The following CSMD1 variants were observed in gnomAD, a reference collection of about 807,000 sequenced individuals.
CSMD1 encodes the protein CUB and sushi domain-containing protein 1.
CSMD1 carries 213 observed loss-of-function variants against 417.5 expected under a neutral mutation model. The ratio of observed to expected loss-of-function variants is 0.51; its 90% CI spans 0.46 to 0.57. The LOEUF (loss-of-function observed/expected upper bound fraction) is 0.57, where lower values mean the gene tolerates loss of function less well. CSMD1 is among the 20% of genes least tolerant of loss of function. The pLI, the probability that CSMD1 is intolerant of heterozygous loss-of-function variation, is 0.00. For synonymous variants in CSMD1, 2,862 were observed against 1,736.8 expected (o/e 1.65, Z -16.11); for missense variants, 6,923 against 4,529.7 (o/e 1.53, Z -15.17).
intron 7 of CSMD1, among the ~76,000 whole-genome samples, chr8:3,643,341 A>G (rs971770067): frequency 6.6e-6 from 1 of 152,122 alleles, no homozygotes; most frequent in African/African-American, 2.4e-5. Flanking sequence ...GAAAAAGCAG[A>G]ATCACTGAAG....
At chr8:3,658,725 G>T (rs1052511543) in intron 7 of CSMD1, among the ~76,000 whole-genome samples, 1 of 152,114 alleles carries the variant, frequency 6.6e-6, no homozygotes, top group East Asian at 1.9e-4. Flanking sequence ...TAAGGTTGCA[G>T]TGAGCCAAGA....
intron 1 of CSMD1, among the ~76,000 whole-genome samples, chr8:4,905,644 C>A (rs903408185): frequency 6.6e-6 from 1 of 151,354 alleles, no homozygotes; most frequent in South Asian, 2.1e-4. Context: ...ACGGTGAAAC[C>A]CCGTCTCTAC....
At chr8:4,081,164 G>T (rs1400638060) in intron 3 of CSMD1, among the ~76,000 whole-genome samples, 1 of 152,110 alleles carries the variant, frequency 6.6e-6, no homozygotes, top group Non-Finnish European at 1.5e-5. Flanking sequence ...CTCCAGCATT[G>T]TGATAAATAA....
chr8:4,188,456 C>A (rs538620069), intron 3 of CSMD1, among the ~76,000 whole-genome samples: 1 of 152,040 alleles, frequency 6.6e-6, no homozygotes, highest in Non-Finnish European at 1.5e-5. Flanking sequence ...GCCTGAGAAA[C>A]TTTATTTTGG....
At chr8:4,015,222 G>T (rs1181890285) in intron 4 of CSMD1, among the ~76,000 whole-genome samples, 1 of 152,126 alleles carries the variant, frequency 6.6e-6, no homozygotes, top group African/African-American at 2.4e-5. Context: ...GATCATTTAA[G>T]ATTCATTTTA....
intron 2 of CSMD1, among the ~76,000 whole-genome samples, chr8:4,445,811 G>C (rs1360106498): frequency 2.6e-5 from 4 of 152,178 alleles, no homozygotes; most frequent in Non-Finnish European, 4.4e-5. Context: ...TGATTAACGA[G>C]AATGTTTAAA....
At chr8:3,420,489 T>G (rs1434982788) in intron 12 of CSMD1, among the ~76,000 whole-genome samples, 1 of 149,250 alleles carries the variant, frequency 6.7e-6, no homozygotes, top group Non-Finnish European at 1.5e-5. Context: ...GTTTCCATGT[T>G]GTGATGCATG....
At chr8:3,311,545 TAG>T (rs1805347325) in intron 23 of CSMD1, among the ~76,000 whole-genome samples, 1 of 152,200 alleles carries the variant, frequency 6.6e-6, no homozygotes, top group South Asian at 2.1e-4. Flanking sequence ...TCTAATCAGC[TAG>T]AGAGTCAACA....
intron 3 of CSMD1, among the ~76,000 whole-genome samples, chr8:4,352,939 G>T (rs1486707329): frequency 6.6e-6 from 1 of 152,170 alleles, no homozygotes; most frequent in African/African-American, 2.4e-5. Flanking sequence ...AAGTAAATAC[G>T]AGCTTGTAGG....
chr8:3,594,700 G>C lies in CSMD1; in HGVS notation c.1098-8440C>G, dbSNP rs548361842. Among the ~76,000 whole-genome samples the C allele has an allele frequency of 3.9e-5, 6 of 152,152 alleles. No individual in the cohort carries two copies. In the East Asian group the frequency reaches 1.2e-3, roughly 29 times the overall value. ...AGGCATATAACTTAGTTCCTTTATTGCTCCATCTCAGGTTTAGTCTCAGGA... is the reference window on the plus strand; with the variant it reads ...AGGCATATAACTTAGTTCCTTTATTCCTCCATCTCAGGTTTAGTCTCAGGA... On this transcript the variant is annotated intron_variant, in intron 8 of 69. Transcript: ENST00000635120.
At chr8:4,420,212 T>C (rs1797170627) in intron 2 of CSMD1, 147 bp from the exon 3 acceptor site, 4 of 507,596 alleles carry the variant, frequency 7.9e-6, no homozygotes, top group Non-Finnish European at 1.4e-5. Context: ...TACACATAGC[T>C]TTGGTTGTTA....
intron 10 of CSMD1, among the ~76,000 whole-genome samples, chr8:3,539,073 C>A (rs946662678): frequency 6.6e-6 from 1 of 152,242 alleles, no homozygotes; most frequent in Non-Finnish European, 1.5e-5. Flanking sequence ...CACTGAGCCA[C>A]GTCTCTTACA....
intron 4 of CSMD1, among the ~76,000 whole-genome samples, chr8:4,008,600 CTTTTTTTTTTTTT>C (rs1161117794): frequency 2.5e-5 from 2 of 80,408 alleles, no homozygotes; most frequent in Admixed American, 1.7e-4. Flanking sequence ...TTCTTTTTTT[CTTTTTTTTTTTTT>C]TTTTTTTTTT....
intron 3 of CSMD1, among the ~76,000 whole-genome samples, chr8:4,314,930 G>C (rs552652991): frequency 6.6e-6 from 1 of 152,124 alleles, no homozygotes; most frequent in Admixed American, 6.5e-5. Flanking sequence ...TTATACCACA[G>C]GAAAAGTGGG....
At chr8:3,197,430 T>G (rs1200212431) in intron 33 of CSMD1, among the ~76,000 whole-genome samples, 1 of 150,330 alleles carries the variant, frequency 6.7e-6, no homozygotes, top group Non-Finnish European at 1.5e-5. Context: ...AAAGCACTGT[T>G]TAGAATATTT....
At chr8:3,827,240 C>G (rs566807890) in intron 5 of CSMD1, among the ~76,000 whole-genome samples, 1 of 152,136 alleles carries the variant, frequency 6.6e-6, no homozygotes, top group Admixed American at 6.5e-5. Context: ...ACTTTTTCAT[C>G]AATAGCTAAA....
intron 2 of CSMD1, among the ~76,000 whole-genome samples, chr8:4,483,697 G>C (rs995042195): frequency 1.3e-5 from 2 of 152,118 alleles, no homozygotes; most frequent in Admixed American, 6.5e-5. Context: ...CACTGATTTT[G>C]CTTGTCATGA....
intron 3 of CSMD1, among the ~76,000 whole-genome samples, chr8:4,223,090 C>T (rs576281740): frequency 2.0e-4 from 31 of 152,082 alleles, no homozygotes; most frequent in Admixed American, 3.3e-4. Flanking sequence ...GGTTCCCTCC[C>T]GCCCTGCCCT....
chr8:4,067,122 C>T (rs530680872), intron 3 of CSMD1, among the ~76,000 whole-genome samples: 1 of 152,170 alleles, frequency 6.6e-6, no homozygotes, highest in East Asian at 1.9e-4. Context: ...TGTGTTTCCA[C>T]AGAGTCACTT....
Sources: allele counts gnomAD v4.1 joint callset (sites outside exome capture counted in the v4.1 genomes callset), GRCh38; gene constraint gnomAD v4.1.1; transcripts MANE v1.5; gene names NCBI Gene and HGNC (gene_info 2026-07-23, HGNC 2026-07-21).